HPCAL1: variants seen among roughly 807,000 people sequenced by gnomAD.
The protein encoded by HPCAL1 is hippocalcin-like protein 1.
HPCAL1 carries 8 observed loss-of-function variants against 17.1 expected under a neutral mutation model. That is an observed-to-expected ratio of 0.47 (90% CI 0.27 to 0.84). The LOEUF (loss-of-function observed/expected upper bound fraction) is 0.84, where lower values mean the gene tolerates loss of function less well. Ranked by LOEUF, HPCAL1 falls within the 40% of genes least tolerant of loss-of-function variation. The pLI is 0.13. For synonymous variants in HPCAL1, 112 were observed against 111.4 expected, an observed-to-expected ratio of 1.01 and a Z score of -0.03; for missense variants, 165 against 271.1, an observed-to-expected ratio of 0.61 and a Z score of 2.75.
intron 1 of HPCAL1, among the ~76,000 whole-genome samples, chr2:10,356,476 G>A (rs1053463035): frequency 2.0e-5 from 3 of 152,118 alleles, no homozygotes; most frequent in Non-Finnish European, 4.4e-5. Context: ...AGGGTGGTGG[G>A]GGGCACATCC....
chr2:10,347,670 G>A (rs1468124574), intron 1 of HPCAL1, among the ~76,000 whole-genome samples: 2 of 152,170 alleles, frequency 1.3e-5, no homozygotes, highest in African/African-American at 2.4e-5. Context: ...AAACACTCCA[G>A]CAGCAGCCTT....
chr2:10,399,699 G>A (rs1669468643), intron 2 of HPCAL1, among the ~76,000 whole-genome samples: 1 of 151,982 alleles, frequency 6.6e-6, no homozygotes, highest in African/African-American at 2.4e-5. Flanking sequence ...GCACTGGAAG[G>A]GCCTTCCGCT....
intron 1 of HPCAL1, among the ~76,000 whole-genome samples, chr2:10,324,161 A>G (rs944245332): frequency 6.6e-6 from 1 of 152,276 alleles, no homozygotes; most frequent in Non-Finnish European, 1.5e-5. Flanking sequence ...GTAAAAGCCA[A>G]TTAAAATAAA....
intron 1 of HPCAL1, among the ~76,000 whole-genome samples, chr2:10,385,225 G>T (rs1668232116): frequency 6.6e-6 from 1 of 152,202 alleles, no homozygotes. Flanking sequence ...CCAGCCCCTG[G>T]GCCTGGAGAG....
chr2:10,413,218 A>G (rs1423170719), intron 2 of HPCAL1, among the ~76,000 whole-genome samples: 1 of 152,168 alleles, frequency 6.6e-6, no homozygotes, highest in Non-Finnish European at 1.5e-5. Context: ...AAGCCTTAGG[A>G]AGGTCCCTGG....
chr2:10,414,829 T>A (rs918574203), intron 2 of HPCAL1, among the ~76,000 whole-genome samples: 1 of 152,110 alleles, frequency 6.6e-6, no homozygotes, highest in African/African-American at 2.4e-5. Context: ...GACAAGCAGG[T>A]GCAGAACACA....
Position 10,331,439 on chromosome 2 carries a change from C to T in HPCAL1, c.-111+28262C>T, listed in dbSNP as rs1437214862. Among the ~76,000 whole-genome samples, 1 of 152,212 alleles carries T rather than the reference C, an allele frequency of 6.6e-6. No individual in the cohort carries two copies. Among genetic ancestry groups the T allele is most frequent in the African/African-American group, 2.4e-5 (1 of 41,462 alleles). On this transcript the variant is annotated intron_variant, in intron 1 of 4. Coordinates refer to ENST00000307845, the MANE Select transcript of HPCAL1 (RefSeq NM_002149.4). This position sits in a 1 kb window ranked among gnomAD's most constrained non-coding sequence, Gnocchi z 5.0. The stretch of plus-strand genomic sequence containing the variant: ...TGGCTCCTTTCTTCATGTCCCTTGT[C>T]CCACAGGACACCGTTTCTGAACCCA...
intron 1 of HPCAL1, among the ~76,000 whole-genome samples, chr2:10,364,435 G>C (rs956937924): frequency 6.6e-6 from 1 of 152,252 alleles, no homozygotes; most frequent in South Asian, 2.1e-4. Context: ...CCTGGAATGC[G>C]ATGGCCAGGG....
At chr2:10,318,824 A>G (rs1217294400) in intron 1 of HPCAL1, among the ~76,000 whole-genome samples, 1 of 152,076 alleles carries the variant, frequency 6.6e-6, no homozygotes, top group African/African-American at 2.4e-5. Flanking sequence ...AAAGGAAAAT[A>G]AGTGCCTCCC....
intron 1 of HPCAL1, among the ~76,000 whole-genome samples, chr2:10,340,264 G>A (rs944656057): frequency 4.6e-5 from 7 of 152,284 alleles, no homozygotes; most frequent in East Asian, 3.9e-4. Context: ...TTTCTTGAAC[G>A]GGAAAGATAT....
chr2:10,351,896 C>CTTCT (rs948135004), intron 1 of HPCAL1, among the ~76,000 whole-genome samples: 3 of 148,732 alleles, frequency 2.0e-5, no homozygotes, highest in African/African-American at 4.9e-5. Context: ...TCCTTCCTTC[C>CTTCT]TTCTTTCTTT....
intron 1 of HPCAL1, among the ~76,000 whole-genome samples, chr2:10,393,444 T>C (rs1668828997): frequency 6.6e-6 from 1 of 152,214 alleles, no homozygotes; most frequent in South Asian, 2.1e-4. Flanking sequence ...TCATCCACTT[T>C]GTCACAGATG....
At chr2:10,421,623 C>T (rs1458096591) in intron 3 of HPCAL1, among the ~76,000 whole-genome samples, 1 of 152,148 alleles carries the variant, frequency 6.6e-6, no homozygotes, top group Non-Finnish European at 1.5e-5. Flanking sequence ...ATTGCTTGAG[C>T]CCAGGAGTTC....
At position 10,377,298 on chromosome 2, in the gene HPCAL1, C is replaced by G. The variant is rs922886120; in HGVS notation, c.-110-19537C>G. ...GCCGCAGCAAATGCAACCCTGCCCC[C>G]GAGCCAGGCCCCAGGCTGCACCTTT... On this transcript the variant is annotated intron_variant, in intron 1 of 4. Coordinates refer to ENST00000307845, the MANE Select transcript of HPCAL1 (RefSeq NM_002149.4). The surrounding 1 kb of genome is among the most constrained non-coding windows in gnomAD (Gnocchi z 5.9). Among the ~76,000 whole-genome samples the G allele has an allele frequency of 2.0e-5, 3 of 152,200 alleles. No individual in the cohort carries two copies. Among genetic ancestry groups the G allele is most frequent in the Non-Finnish European group, 4.4e-5 (3 of 68,036 alleles).
At position 10,310,575 on chromosome 2, in the gene HPCAL1, C is replaced by T. The variant is rs947534343; in HGVS notation, c.-111+7398C>T. Among the ~76,000 whole-genome samples the T allele has an allele frequency of 1.3e-5, 2 of 152,104 alleles. No individual in the cohort carries two copies. The highest frequency in any genetic ancestry group is 4.8e-5 in the African/African-American group (2 of 41,406). Reference sequence around the variant, plus strand: ...TCCTAGCCTCATGCCTTCTGAGAAGCATCTGTCAGGGTCCCTGATGCACCT... The same window carrying T: ...TCCTAGCCTCATGCCTTCTGAGAAGTATCTGTCAGGGTCCCTGATGCACCT... On this transcript the variant is annotated intron_variant, in intron 1 of 4. Transcript: ENST00000307845. The surrounding 1 kb of genome is among the most constrained non-coding windows in gnomAD (Gnocchi z 4.5).
chr2:10,378,664 A>C (rs1161214149), intron 1 of HPCAL1, among the ~76,000 whole-genome samples: 3 of 152,084 alleles, frequency 2.0e-5, no homozygotes, highest in African/African-American at 7.2e-5. Flanking sequence ...CCCACCCCCT[A>C]CCACCATCGC....
chr2:10,366,946 C>T (rs1666887590), intron 1 of HPCAL1, among the ~76,000 whole-genome samples: 1 of 152,128 alleles, frequency 6.6e-6, no homozygotes, highest in South Asian at 2.1e-4. Flanking sequence ...CCAGGATTTT[C>T]CTGGGGTGAG....
intron 1 of HPCAL1, among the ~76,000 whole-genome samples, chr2:10,328,847 G>A (rs905383930): frequency 1.3e-5 from 2 of 151,962 alleles, no homozygotes; most frequent in African/African-American, 2.4e-5. Flanking sequence ...CGACATGTGG[G>A]GGGTTGCTGG....
chr2:10,306,780 G>T (rs1662655179), intron 1 of HPCAL1, among the ~76,000 whole-genome samples: 2 of 152,162 alleles, frequency 1.3e-5, no homozygotes, highest in Non-Finnish European at 2.9e-5. Context: ...GAAAAGCACA[G>T]TAAATCCTTT....
Sources: allele counts gnomAD v4.1 joint callset (sites outside exome capture counted in the v4.1 genomes callset), GRCh38; gene constraint gnomAD v4.1.1; non-coding constraint Gnocchi (gnomAD v3.1); transcripts MANE v1.5; gene names NCBI Gene and HGNC (gene_info 2026-07-23, HGNC 2026-07-21).